ETFA: variants seen among roughly 807,000 people sequenced by gnomAD.
The protein encoded by ETFA is electron transfer flavoprotein subunit alpha, mitochondrial.
In ETFA, 22 loss-of-function variants were observed where a neutral mutation model predicts 46.2. That is an observed-to-expected ratio of 0.48 (90% CI 0.34 to 0.68). The LOEUF (loss-of-function observed/expected upper bound fraction) is 0.68, where lower values mean the gene tolerates loss of function less well. Among genes scored for constraint, ETFA ranks in the 30% least tolerant of loss-of-function variants. The probability of loss-of-function intolerance (pLI) is 0.01; values close to 1 mark genes in which losing one functional copy is unlikely to be tolerated. For missense variants in ETFA, 345 were observed against 401.1 expected (o/e 0.86, Z 1.19); for synonymous variants, 131 against 139.9 (o/e 0.94, Z 0.45).
chr15:76,256,565 G>T (rs1290061446), intron 9 of ETFA, among the ~76,000 whole-genome samples: 4 of 152,174 alleles, frequency 2.6e-5, no homozygotes, highest in African/African-American at 9.7e-5. Context: ...ACAACTGATA[G>T]TATTTCTTAT....
chr15:76,292,740 G>A (rs2039779953), intron 2 of ETFA, 40 bp from the exon 3 acceptor site: 1 of 1,340,486 alleles, frequency 7.5e-7, no homozygotes, highest in Non-Finnish European at 1.1e-6. Context: ...CCATCTATCA[G>A]AAATATACAA....
At position 76,228,904 on chromosome 15, in the gene ETFA, G is replaced by A. The variant is rs529376861; in HGVS notation, c.882+2429C>T. The A allele has an allele frequency of 2.1e-4, 32 of 153,784 alleles. No individual in the cohort carries two copies. In the South Asian group the frequency reaches 4.8e-3, roughly 23 times the overall value. 9.5% of individuals were successfully genotyped at this position (153,784 alleles called of 1,614,324 possible). On this transcript the variant is annotated intron_variant, in intron 10 of 11. Transcript: ENST00000557943. ...CAAGTAGCTGGGACCACAGGCGCCC[G>A]CCACCATGCCCAGCTAATTTTTTGT...
chr15:76,276,625 T>C (rs56215269), intron 8 of ETFA, among the ~76,000 whole-genome samples: 6,072 of 151,214 alleles, frequency 0.04, 166 homozygotes, highest in South Asian at 0.12. Context: ...GGTTTTTTTG[T>C]TGTTGTTGTT....
intron 1 of ETFA, among the ~76,000 whole-genome samples, chr15:76,310,843 C>T (rs2039989912): frequency 6.6e-6 from 1 of 151,762 alleles, no homozygotes; most frequent in Admixed American, 6.6e-5. Flanking sequence ...ACGCAGCCTC[C>T]CACCCCACCC....
At chr15:76,268,032 A>T (rs1218532579) in intron 9 of ETFA, among the ~76,000 whole-genome samples, 5 of 152,156 alleles carry the variant, frequency 3.3e-5, no homozygotes, top group Admixed American at 3.3e-4. Context: ...CTATTGCACA[A>T]GAAGGATAAG....
intron 4 of ETFA, among the ~76,000 whole-genome samples, chr15:76,290,202 G>A (rs989733816): frequency 6.6e-5 from 10 of 152,036 alleles, no homozygotes; most frequent in Admixed American, 5.9e-4. Context: ...ACAGATACAT[G>A]CATGACCATG....
chr15:76,228,285 A>C (rs1216477884), intron 10 of ETFA: 1 of 310,054 alleles, frequency 3.2e-6, no homozygotes, highest in Non-Finnish European at 6.2e-6. Context: ...CCTGGGCTCA[A>C]GTGATCCTCC....
chr15:76,260,479 C>T, intron 9 of ETFA: 2 of 1,555,802 alleles, frequency 1.3e-6, no homozygotes, highest in Non-Finnish European at 1.8e-6. Flanking sequence ...GAAGAGACCA[C>T]CAGTGGCTGA....
intron 1 of ETFA, among the ~76,000 whole-genome samples, chr15:76,303,843 G>A (rs2039907384): frequency 6.6e-6 from 1 of 152,220 alleles, no homozygotes; most frequent in Admixed American, 6.5e-5. Flanking sequence ...ATATACTGCT[G>A]GTGAGGATGT....
At chr15:76,260,947 G>C (rs1251199502) in intron 9 of ETFA, 2 of 1,611,292 alleles carry the variant, frequency 1.2e-6, no homozygotes, top group Admixed American at 3.3e-5. Context: ...GACTGCAGCA[G>C]GGCTCGGCCA....
At chr15:76,260,802 T>C (rs2141494248) in intron 9 of ETFA, 31 of 1,607,022 alleles carry the variant, frequency 1.9e-5, no homozygotes, top group South Asian at 4.4e-5. Flanking sequence ...CCCCAAAGCA[T>C]TGGCACAGCA....
chr15:76,259,086 T>G, intron 9 of ETFA: 3 of 1,557,298 alleles, frequency 1.9e-6, no homozygotes, highest in South Asian at 2.2e-5. Flanking sequence ...CCCTGGCTGC[T>G]CAGCCAGCCC....
At chr15:76,257,272 G>C (rs1428898977) in intron 9 of ETFA, among the ~76,000 whole-genome samples, 1 of 152,164 alleles carries the variant, frequency 6.6e-6, no homozygotes, top group Non-Finnish European at 1.5e-5. Flanking sequence ...AGTTAGAGGG[G>C]AAGTTGGCAC....
intron 1 of ETFA, among the ~76,000 whole-genome samples, 196 bp from the exon 2 acceptor site, chr15:76,295,933 A>ATTATTTTTTTTTTTTTTTTTTTTTT: frequency 1.7e-5 from 1 of 58,564 alleles, no homozygotes; most frequent in Non-Finnish European, 4.0e-5. Context: ...TACCACTAAT[A>ATTATTTTTTTTTTTTTTTTTTTTTT]TTCTTTTTTT....
At position 76,284,891 on chromosome 15, in the gene ETFA, T is replaced by C. The variant is rs547147828; in HGVS notation, c.664+746A>G. ...GTGGCGGTGAGCAGAGATTGTGCCA[T>C]TGCACTCCAGCCTAGGCAACAAGAG... is the stretch of plus-strand genomic sequence containing the variant. On this transcript the variant is annotated intron_variant, in intron 7 of 11. Coordinates refer to ENST00000557943, the MANE Select transcript of ETFA (RefSeq NM_000126.4). 9.6e-5 allele frequency: 37 copies of C among 383,878 alleles called. 1 individual carries two copies. The highest frequency in any genetic ancestry group is 6.1e-4 in the South Asian group (33 of 54,236). 23.8% of individuals were successfully genotyped at this position (383,878 alleles called of 1,614,324 possible).
intron 9 of ETFA, among the ~76,000 whole-genome samples, chr15:76,254,296 C>G (rs1417919493): frequency 6.6e-6 from 1 of 152,092 alleles, no homozygotes; most frequent in Admixed American, 6.5e-5. Flanking sequence ...ACACTCCACT[C>G]AAAACTCTGG....
chr15:76,295,936 C>CCTTTTTTTTT (rs2039816100), intron 1 of ETFA, among the ~76,000 whole-genome samples, 199 bp from the exon 2 acceptor site: 1 of 46,602 alleles, frequency 2.1e-5, no homozygotes, highest in Admixed American at 4.0e-4. Flanking sequence ...CACTAATATT[C>CCTTTTTTTTT]TTTTTTTTTT....
chr15:76,300,697 T>C (rs1316634494), intron 1 of ETFA, among the ~76,000 whole-genome samples: 4 of 152,242 alleles, frequency 2.6e-5, no homozygotes, highest in Non-Finnish European at 5.9e-5. Flanking sequence ...CCTCTGGATA[T>C]GGTAAACTAG....
chr15:76,218,453 T>C (rs901902342), intron 11 of ETFA, among the ~76,000 whole-genome samples: 3 of 152,196 alleles, frequency 2.0e-5, no homozygotes, highest in African/African-American at 7.2e-5. Context: ...GTATTTTTAG[T>C]AGAGATGGGG....
Sources: allele counts gnomAD v4.1 joint callset (sites outside exome capture counted in the v4.1 genomes callset), GRCh38; gene constraint gnomAD v4.1.1; transcripts MANE v1.5; gene names NCBI Gene and HGNC (gene_info 2026-07-23, HGNC 2026-07-21).